Variants in AFG3L2 observed in about 807,000 individuals in gnomAD.
The protein encoded by AFG3L2 is mitochondrial inner membrane m-AAA protease component AFG3L2.
A neutral mutation model predicts 94.5 loss-of-function variants in AFG3L2; 54 were observed. The observed-to-expected ratio is 0.57, with a 90% CI of 0.46 to 0.72. AFG3L2 has a LOEUF of 0.72. Ranked by LOEUF, AFG3L2 falls within the 30% of genes least tolerant of loss-of-function variation. The pLI is 0.00. For synonymous variants in AFG3L2, 377 were observed against 365.5 expected (o/e 1.03, Z -0.36); for missense variants, 754 against 994.9 (o/e 0.76, Z 3.26).
chr18:12,377,156 GC>G lies in AFG3L2; in HGVS notation c.-75del. The G allele has an allele frequency of 8.5e-7, 1 of 1,175,706 alleles. No homozygotes were observed. The highest frequency in any genetic ancestry group is 2.9e-5 in the Admixed American group (1 of 33,940). 72.8% of individuals were successfully genotyped at this position (1,175,706 alleles called of 1,614,324 possible). ...AGGCGACGACTGGCGGCCTCGGGAA[GC>G]GGGCTCGGCTCGGGGAAAGGCCGCC... is the stretch of plus-strand genomic sequence containing the variant. On this transcript the variant is annotated 5_prime_UTR_variant, in exon 1 of 17. Transcript: ENST00000269143.
intron 3 of AFG3L2, 25 bp from the exon 4 acceptor site, chr18:12,367,407 C>A (rs1406287302): frequency 1.9e-6 from 3 of 1,609,718 alleles, no homozygotes. Context: ...AGAGCACACA[C>A]AGAAGCACGG....
intron 13 of AFG3L2, 41 bp downstream of exon 13, chr18:12,348,232 T>C: frequency 6.5e-7 from 1 of 1,540,952 alleles, no homozygotes; most frequent in Non-Finnish European, 9.0e-7. Flanking sequence ...TCAAATTCAT[T>C]TTATCAGCCT....
chr18:12,330,879 T>TC (rs1411571314), intron 16 of AFG3L2, among the ~76,000 whole-genome samples: 1 of 152,016 alleles, frequency 6.6e-6, no homozygotes, highest in East Asian at 1.9e-4. Context: ...CTAGAGGCAT[T>TC]CTTTGTAACT....
chr18:12,351,111 A>G lies in AFG3L2; in HGVS notation c.1526T>C (p.Leu509Pro). The G allele has an allele frequency of 1.9e-6, 3 of 1,613,418 alleles. No individual in the cohort carries two copies. Among genetic ancestry groups the G allele is most frequent in the Non-Finnish European group, 2.5e-6 (3 of 1,180,006 alleles). ...TGAAAACCCTGGAGTTAAAGATGCC[A>G]GTTTTCTTGCCAATTTATCCTTCTC... ...TLEKDKLARK[L>P]ASLTPGFSGA... The change falls in exon 12 of 17, where the codon CTG (leucine) becomes CCG (proline). Residue 509 changes from leucine (L) to proline (P), a missense_variant. By Grantham distance (98) the Leu-to-Pro change is moderately conservative. This residue lies in a region of AFG3L2 where 279 missense variants were observed against 378.6 expected (regional missense o/e 0.74). Coordinates refer to ENST00000269143, the MANE Select transcript of AFG3L2 (RefSeq NM_006796.3).
At chr18:12,331,731 T>C (rs967344718) in intron 16 of AFG3L2, among the ~76,000 whole-genome samples, 3 of 150,510 alleles carry the variant, frequency 2.0e-5, no homozygotes, top group East Asian at 1.9e-4. Context: ...GAGGCGGAGG[T>C]TGCAGTGAGC....
chr18:12,368,152 C>T (rs1462127403), intron 3 of AFG3L2, among the ~76,000 whole-genome samples: 1 of 147,996 alleles, frequency 6.8e-6, no homozygotes, highest in African/African-American at 2.5e-5. Context: ...GGGCAACAAG[C>T]GTGAAACTCC....
At chr18:12,333,341 A>G (rs1262964352) in intron 16 of AFG3L2, among the ~76,000 whole-genome samples, 4 of 130,442 alleles carry the variant, frequency 3.1e-5, no homozygotes, top group Non-Finnish European at 6.3e-5. Flanking sequence ...AATTATATAT[A>G]TAATATATAA....
chr18:12,332,113 T>G (rs1379701684), intron 16 of AFG3L2, among the ~76,000 whole-genome samples: 1 of 139,310 alleles, frequency 7.2e-6, no homozygotes, highest in Non-Finnish European at 1.5e-5. Context: ...TAAGTTGATC[T>G]CATAAAATGA....
At chr18:12,331,808 A>AATATATAT (rs35558132) in intron 16 of AFG3L2, among the ~76,000 whole-genome samples, 6 of 146,340 alleles carry the variant, frequency 4.1e-5, no homozygotes, top group African/African-American at 1.6e-4. Context: ...TAAATAAATA[A>AATATATAT]ATATATATAT....
Position 12,329,289 on chromosome 18 carries a change from C to A in AFG3L2, c.*276G>T. 1.4e-6 allele frequency: 1 copy of A among 695,648 alleles called. No individual in the cohort carries two copies. The highest frequency in any genetic ancestry group is 2.6e-6 in the Non-Finnish European group (1 of 381,742). The allele number at this position is 695,648 out of a possible 1,614,324, so 43.1% of individuals were successfully genotyped here. ...CCCCACTTGGTGCCACAGGGTCCAG[C>A]CTCGGCCACTCTGGGCTCAACCTTT... On this transcript the variant is annotated 3_prime_UTR_variant, in exon 17 of 17. Transcript: ENST00000269143.
At chr18:12,335,015 G>T (rs1440256514) in intron 16 of AFG3L2, among the ~76,000 whole-genome samples, 1 of 152,188 alleles carries the variant, frequency 6.6e-6, no homozygotes. Context: ...TGGAAACTGA[G>T]TTGCACAAGA....
chr18:12,374,733 G>C lies in AFG3L2; in HGVS notation c.114+2236C>G, dbSNP rs57244329. ...ACAATGCAGATCCCCACCTGGAACT[G>C]TATGTCTGAATCCAATATTCATGAG... is the stretch of plus-strand genomic sequence containing the variant. On this transcript the variant is annotated intron_variant, in intron 1 of 16. Transcript: ENST00000269143. Among the ~76,000 whole-genome samples, 630 of 152,296 alleles carry C rather than the reference G, an allele frequency of 4.1e-3. 1 individual carries two copies. Among genetic ancestry groups the C allele is most frequent in the African/African-American group, 0.015 (604 of 41,552 alleles).
chr18:12,371,221 G>A lies in AFG3L2; in HGVS notation c.215-295C>T, dbSNP rs139881026. ...CCCAGCTACTCGGGAGGCTGAGGCA[G>A]GAGAATCGCTTGAACCCAGAAGGCG... On this transcript the variant is annotated intron_variant, in intron 2 of 16. Coordinates refer to ENST00000269143, the MANE Select transcript of AFG3L2 (RefSeq NM_006796.3). Among the ~76,000 whole-genome samples the A allele has an allele frequency of 2.9e-3, 441 of 152,034 alleles. 3 individuals carry two copies. Among genetic ancestry groups the A allele is most frequent in the East Asian group, 6.0e-3 (31 of 5,170 alleles).
In AFG3L2 at chr18:12,368,577, G is replaced by A. The variant is rs1008899787; in HGVS notation, c.293-1195C>T. On this transcript the variant is annotated intron_variant, in intron 3 of 16. Transcript: ENST00000269143. ...AGTCCTTGTTGTTGTTTTAGACGGA[G>A]TTTCACTCTGTCTCCCAGAGTGGAG... Among the ~76,000 whole-genome samples, 33 of 152,168 alleles carry A rather than the reference G, an allele frequency of 2.2e-4. 2 individuals are homozygous for A. The highest frequency in any genetic ancestry group is 1.5e-5 in the Non-Finnish European group (1 of 68,030).
chr18:12,374,309 T>C (rs1159064628), intron 1 of AFG3L2, among the ~76,000 whole-genome samples: 1 of 152,246 alleles, frequency 6.6e-6, no homozygotes, highest in Admixed American at 6.5e-5. Flanking sequence ...GCCTTTATGT[T>C]TGACAACAGG....
chr18:12,362,215 T>C (rs1436181580), intron 6 of AFG3L2, among the ~76,000 whole-genome samples: 2 of 152,122 alleles, frequency 1.3e-5, no homozygotes, highest in African/African-American at 4.8e-5. Context: ...TAGTCAAGAG[T>C]AGAACTGATG....
In AFG3L2 at chr18:12,367,776, G is replaced by A. The variant is rs377558159; in HGVS notation, c.293-394C>T. 1.3e-3 allele frequency among the ~76,000 whole-genome samples: 196 copies of A among 152,258 alleles called. 1 individual carries two copies. Among genetic ancestry groups the A allele is most frequent in the African/African-American group, 4.5e-3 (185 of 41,554 alleles). ...AAAGTTTAAAGTGTGTTCTGGCCAC[G>A]CACGGTGGCTCATGCCTGTAATACC... On this transcript the variant is annotated intron_variant, in intron 3 of 16. Coordinates refer to ENST00000269143, the MANE Select transcript of AFG3L2 (RefSeq NM_006796.3).
chr18:12,356,275 C>T (rs1439892885), intron 9 of AFG3L2, among the ~76,000 whole-genome samples: 2 of 152,036 alleles, frequency 1.3e-5, no homozygotes, highest in Middle Eastern at 3.4e-3. Context: ...CCTCAGCCTC[C>T]GAAATAGCTG....
At chr18:12,333,312 A>C (rs1257601708) in intron 16 of AFG3L2, among the ~76,000 whole-genome samples, 3 of 131,386 alleles carry the variant, frequency 2.3e-5, no homozygotes, top group Non-Finnish European at 4.7e-5. Flanking sequence ...ATTATATATT[A>C]TAAATATATA....
Sources: allele counts gnomAD v4.1 joint callset (sites outside exome capture counted in the v4.1 genomes callset), GRCh38; gene constraint gnomAD v4.1.1; regional missense constraint gnomAD v4.1.1; transcripts MANE v1.5; gene names NCBI Gene and HGNC (gene_info 2026-07-23, HGNC 2026-07-21).